The following SPTB variants were observed in gnomAD, a reference collection of about 807,000 sequenced individuals.
The protein encoded by SPTB is spectrin beta chain, erythrocytic.
Under a neutral mutation model 256.2 loss-of-function variants are expected in SPTB, and 45 were observed. The ratio of observed to expected loss-of-function variants is 0.18; its 90% CI spans 0.14 to 0.23. The LOEUF (loss-of-function observed/expected upper bound fraction) is 0.23. SPTB is among the 10% of genes least tolerant of loss of function. The pLI, the probability that SPTB is intolerant of heterozygous loss-of-function variation, is 1.00. For missense variants in SPTB, 2,715 were observed against 3,040.4 expected, an observed-to-expected ratio of 0.89 and a Z score of 2.52; for synonymous variants, 1,231 against 1,243.1, an observed-to-expected ratio of 0.99 and a Z score of 0.21.
Position 64,823,621 on chromosome 14 carries a change from C to T in SPTB, c.-51-476G>A, listed in dbSNP as rs2083332577. Among the ~76,000 whole-genome samples the T allele has an allele frequency of 6.6e-6, 1 of 152,136 alleles. No homozygotes were observed. The highest frequency in any genetic ancestry group is 1.5e-5 in the Non-Finnish European group (1 of 68,014). Reference sequence around the variant, plus strand: ...GGCTGGAAACAGGCTGAGTCTGACCCATATGGGAACCATGGGGAGAGATGG... The same window carrying T: ...GGCTGGAAACAGGCTGAGTCTGACCTATATGGGAACCATGGGGAGAGATGG... On this transcript the variant is annotated intron_variant, in intron 1 of 35. Transcript: ENST00000644917. This position sits in a 1 kb window ranked among gnomAD's most constrained non-coding sequence, Gnocchi z 6.5.
chr14:64,775,382 C>T lies in SPTB; in HGVS notation c.4585G>A (p.Gly1529Ser), dbSNP rs747387364. The T allele has an allele frequency of 3.7e-6, 6 of 1,612,556 alleles. No homozygotes were observed. Among genetic ancestry groups the T allele is most frequent in the Non-Finnish European group, 5.1e-6 (6 of 1,178,916 alleles). Residue 1529 changes from glycine (G) to serine (S), a missense_variant, in exon 23 of 36, where the codon GGC becomes AGC. Physicochemically the swap from Gly to Ser is moderately conservative, Grantham distance 56 (BLOSUM62 0). Around this residue, in one of 4 missense-constraint regions of SPTB, gnomAD observed 2,239 missense variants for 2,384.4 expected, o/e 0.94. Coordinates refer to ENST00000644917, the MANE Select transcript of SPTB (RefSeq NM_001355436.2). The surrounding 1 kb of genome is among the most constrained non-coding windows in gnomAD (Gnocchi z 5.0). ...KNQTLQNEIL[G>S]HTPRVEDVLQ... is the part of the protein sequence containing the mutation. ...ACATCCTCAACCCGCGGCGTATGGC[C>T]CAGAATCTCATTCTGCAGTGTCTGC...
intron 2 of SPTB, among the ~76,000 whole-genome samples, chr14:64,813,099 T>G (rs2083121903): frequency 6.6e-6 from 1 of 152,224 alleles, no homozygotes; most frequent in Non-Finnish European, 1.5e-5. Context: ...TTGTTATAGC[T>G]GGATGGTAAG....
rs1190539250 is a variant in SPTB, at chr14:64,823,124, C to T, written c.-30G>A. 1 of 1,614,012 alleles carries T rather than the reference C, an allele frequency of 6.2e-7. No individual in the cohort carries two copies. Among genetic ancestry groups the T allele is most frequent in the Admixed American group, 1.7e-5 (1 of 60,030 alleles). ...GCAGGCTCTTAGCAGCTCCGCCTGC[C>T]TCAGTCTTCATGGAAGGATCCCTGG... On this transcript the variant is annotated 5_prime_UTR_variant, in exon 2 of 36. Coordinates refer to ENST00000644917, the MANE Select transcript of SPTB (RefSeq NM_001355436.2). This position sits in a 1 kb window ranked among gnomAD's most constrained non-coding sequence, Gnocchi z 6.5.
chr14:64,857,860 A>G (rs1020971541), intron 1 of SPTB, among the ~76,000 whole-genome samples: 9 of 152,206 alleles, frequency 5.9e-5, no homozygotes, highest in Admixed American at 6.5e-5. Context: ...CCCTTATAAC[A>G]CATAATGAGA....
rs2083384669 is a variant in SPTB at position 64,826,876 on chromosome 14, A to G, written c.-51-3731T>C. ...TATATTTTGAGTAGGATGGGACCTG[A>G]GAAGGCTTGCCCACAGCTCAGCACT... On this transcript the variant is annotated intron_variant, in intron 1 of 35. Transcript: ENST00000644917. The surrounding 1 kb of genome is among the most constrained non-coding windows in gnomAD (Gnocchi z 4.4). Among the ~76,000 whole-genome samples the G allele has an allele frequency of 6.6e-6, 1 of 152,184 alleles. No homozygotes were observed. Among genetic ancestry groups the G allele is most frequent in the South Asian group, 2.1e-4 (1 of 4,828 alleles).
intron 32 of SPTB, chr14:64,756,667 AGACT>A (rs1396028203): frequency 6.6e-6 from 1 of 152,252 alleles, no homozygotes; most frequent in African/African-American, 2.4e-5. Context: ...CTCCCAAGAC[AGACT>A]AAGAATTGAG....
chr14:64,819,765 C>T (rs2083257030), intron 2 of SPTB, among the ~76,000 whole-genome samples: 1 of 152,176 alleles, frequency 6.6e-6, no homozygotes. Flanking sequence ...AAAGACCAAG[C>T]TCATGATCTT....
Position 64,772,468 on chromosome 14 carries a change from C to G in SPTB, c.5553+112G>C. 33 of 1,455,418 alleles carry G rather than the reference C, an allele frequency of 2.3e-5. No homozygotes were observed. Among genetic ancestry groups the G allele is most frequent in the Non-Finnish European group, 3.0e-5 (33 of 1,085,928 alleles). The allele number at this position is 1,455,418 out of a possible 1,614,324, so 90.2% of individuals were successfully genotyped here. A position where few individuals can be genotyped will look rare whatever the true frequency, so the allele number is the denominator to read the frequency against. On this transcript the variant is annotated intron_variant, in intron 26 of 35. Transcript: ENST00000644917. The surrounding 1 kb of genome is among the most constrained non-coding windows in gnomAD (Gnocchi z 5.4). ...CTGAGCTCCTGGCTGTCTAAGGAGGCAAAACCTCCTGGCACTTATCCTAGA... is the reference window on the plus strand; with the variant it reads ...CTGAGCTCCTGGCTGTCTAAGGAGGGAAAACCTCCTGGCACTTATCCTAGA...
intron 12 of SPTB, among the ~76,000 whole-genome samples, chr14:64,794,877 G>T (rs1334545223): frequency 6.6e-6 from 1 of 152,218 alleles, no homozygotes; most frequent in Non-Finnish European, 1.5e-5. Context: ...CAGGGTTGGG[G>T]CCTGGCCATG....
At chr14:64,821,287 A>G (rs2139693977) in intron 2 of SPTB, among the ~76,000 whole-genome samples, 1 of 152,278 alleles carries the variant, frequency 6.6e-6, no homozygotes, top group South Asian at 2.1e-4. Flanking sequence ...AACTCCTGAG[A>G]GACAGACACT....
rs150975590 is a variant in SPTB at position 64,841,413 on chromosome 14, G to T, written c.-51-18268C>A. Among the ~76,000 whole-genome samples, 1 of 152,264 alleles carries T rather than the reference G, an allele frequency of 6.6e-6. No individual in the cohort carries two copies. The highest frequency in any genetic ancestry group is 2.4e-5 in the African/African-American group (1 of 41,552). On this transcript the variant is annotated intron_variant, in intron 1 of 35. Coordinates refer to ENST00000644917, the MANE Select transcript of SPTB (RefSeq NM_001355436.2). This position sits in a 1 kb window ranked among gnomAD's most constrained non-coding sequence, Gnocchi z 4.6. ...AAACAGTTTTTAAATCATCTGAGAC[G>T]AATTCTTCCACATCTAGCTCAACAC...
At chr14:64,879,341 G>C (rs1321517297) in intron 1 of SPTB, among the ~76,000 whole-genome samples, 1 of 152,200 alleles carries the variant, frequency 6.6e-6, no homozygotes, top group African/African-American at 2.4e-5. Flanking sequence ...CCCAGAAGAG[G>C]GATATGAGCG....
intron 1 of SPTB, among the ~76,000 whole-genome samples, chr14:64,838,641 A>G (rs1407931350): frequency 6.6e-6 from 1 of 152,198 alleles, no homozygotes; most frequent in Non-Finnish European, 1.5e-5. Flanking sequence ...AGTGTGCTCA[A>G]ATTCATTCGT....
At chr14:64,808,857 T>C (rs2083035781) in intron 2 of SPTB, among the ~76,000 whole-genome samples, 1 of 151,718 alleles carries the variant, frequency 6.6e-6, no homozygotes, top group South Asian at 2.1e-4. Flanking sequence ...AAGAGAGAGG[T>C]CATTTCCAAT....
intron 31 of SPTB, 97 bp from the exon 32 acceptor site, chr14:64,766,898 C>T: frequency 7.0e-7 from 1 of 1,427,406 alleles, no homozygotes; most frequent in Non-Finnish European, 9.8e-7. Flanking sequence ...CAGGGAGGAG[C>T]ACCAAATAGC....
chr14:64,817,048 G>T (rs1274868296), intron 2 of SPTB, among the ~76,000 whole-genome samples: 2 of 152,220 alleles, frequency 1.3e-5, no homozygotes, highest in Non-Finnish European at 2.9e-5. Flanking sequence ...TCTTCACAAT[G>T]ATAGATAGCA....
chr14:64,787,149 A>G lies in SPTB; in HGVS notation c.2816T>C (p.Phe939Ser). The G allele has an allele frequency of 6.2e-7, 1 of 1,605,322 alleles. No individual in the cohort carries two copies. Residue 939 changes from phenylalanine (F) to serine (S), a missense_variant, in exon 16 of 36, where the codon TTT becomes TCT. Phe to Ser is a radical substitution (Grantham distance 155). Transcript: ENST00000644917. Reference protein sequence around the residue: ...QDHLNTRWQAFQTLVSERREA... With the variant: ...QDHLNTRWQASQTLVSERREA... ...CCGCCGCTCCGACACCAGGGTCTGA[A>G]ATGCCTGCCACCTGCCGGATGGGGA...
chr14:64,803,507 G>A, intron 4 of SPTB, 100 bp downstream of exon 4: 1 of 1,450,222 alleles, frequency 6.9e-7, no homozygotes, highest in Non-Finnish European at 9.7e-7. Flanking sequence ...TTCCCAGAAT[G>A]TGCACTAACA....
chr14:64,765,422 C>A (rs2082155290), intron 32 of SPTB, among the ~76,000 whole-genome samples: 1 of 152,150 alleles, frequency 6.6e-6, no homozygotes, highest in African/African-American at 2.4e-5. Flanking sequence ...CCTGCACAGA[C>A]CCCATGGAGT....
Sources: gnomAD v4.1 joint callset for allele counts (sites outside exome capture counted in the v4.1 genomes callset) on GRCh38, gnomAD v4.1.1 for gene constraint, gnomAD v4.1.1 regional missense constraint, Gnocchi (gnomAD v3.1) non-coding constraint, MANE v1.5 for transcripts, NCBI Gene and HGNC (gene_info 2026-07-23, HGNC 2026-07-21) for gene names.